Variants in FAM193A observed in about 807,000 individuals in gnomAD.
FAM193A encodes the protein protein FAM193A.
A neutral mutation model predicts 126.5 loss-of-function variants in FAM193A; 22 were observed. That is an observed-to-expected ratio of 0.17 (90% CI 0.12 to 0.25). The LOEUF is 0.25. FAM193A is among the 10% of genes least tolerant of loss of function. FAM193A has a pLI of 1.00. For missense variants in FAM193A, 1,675 were observed against 1,672.8 expected (o/e 1.00, Z -0.02); for synonymous variants, 761 against 646.8 (o/e 1.18, Z -2.68).
chr4:2,674,919 C>T (rs932919733), intron 13 of FAM193A, among the ~76,000 whole-genome samples: 2 of 151,724 alleles, frequency 1.3e-5, no homozygotes, highest in East Asian at 1.9e-4. Flanking sequence ...AGTGACATAC[C>T]GAATTTATAT....
rs563891840 is a variant in FAM193A at position 2,728,166 on chromosome 4, G to A, written c.4455-3609G>A. Among the ~76,000 whole-genome samples the A allele has an allele frequency of 5.3e-5, 8 of 151,696 alleles. No homozygotes were observed. The South Asian group carries it at 1.7e-3, about 32-fold the overall frequency. On this transcript the variant is annotated intron_variant, in intron 20 of 20. Coordinates refer to ENST00000637812, the MANE Select transcript of FAM193A (RefSeq NM_001366318.2). ...GGCTGGTCTCGAACTCCCGACCTCG[G>A]GTGATCTGCCCACCTTACCTCGGCC... is the stretch of plus-strand genomic sequence containing the variant.
At chr4:2,653,312 A>G (rs897172295) in intron 7 of FAM193A, among the ~76,000 whole-genome samples, 12 of 152,226 alleles carry the variant, frequency 7.9e-5, no homozygotes, top group African/African-American at 2.7e-4. Flanking sequence ...AATAACACAT[A>G]CATGTTCTCT....
chr4:2,664,079 T>C (rs1712805885), intron 12 of FAM193A, among the ~76,000 whole-genome samples: 1 of 152,248 alleles, frequency 6.6e-6, no homozygotes, highest in Non-Finnish European at 1.5e-5. Context: ...AACACTCAGA[T>C]GGTAAAGGTG....
intron 1 of FAM193A, among the ~76,000 whole-genome samples, chr4:2,584,106 C>T (rs931102128): frequency 6.6e-6 from 1 of 152,022 alleles, no homozygotes; most frequent in African/African-American, 2.4e-5. Context: ...ATATATAGGT[C>T]TGTGATCTAT....
intron 12 of FAM193A, among the ~76,000 whole-genome samples, chr4:2,669,446 T>C (rs1217341185): frequency 1.3e-5 from 2 of 151,946 alleles, no homozygotes; most frequent in East Asian, 3.9e-4. Context: ...CCATCTCTTC[T>C]AAAAATACAA....
chr4:2,643,106 A>T lies in FAM193A; in HGVS notation c.1163+3247A>T, dbSNP rs568317771. Reference sequence around the variant, plus strand: ...CCACAGGCAGTTGAGGGAGAAGGATAAACACAGACAGGGACAGAATGAGGC... The same window carrying T: ...CCACAGGCAGTTGAGGGAGAAGGATTAACACAGACAGGGACAGAATGAGGC... On this transcript the variant is annotated intron_variant, in intron 6 of 20. Coordinates refer to ENST00000637812, the MANE Select transcript of FAM193A (RefSeq NM_001366318.2). Among the ~76,000 whole-genome samples, 3 of 152,264 alleles carry T rather than the reference A, an allele frequency of 2.0e-5. No homozygotes were observed. The South Asian group carries it at 6.2e-4, about 32-fold the overall frequency.
At chr4:2,681,755 C>T (rs780747341) in intron 13 of FAM193A, among the ~76,000 whole-genome samples, 2 of 152,132 alleles carry the variant, frequency 1.3e-5, no homozygotes, top group Admixed American at 6.5e-5. Context: ...TGAGCCACCA[C>T]GCCTATCCTA....
chr4:2,553,756 C>T (rs1004863530), intron 1 of FAM193A, among the ~76,000 whole-genome samples: 3 of 152,004 alleles, frequency 2.0e-5, no homozygotes, highest in African/African-American at 7.3e-5. Flanking sequence ...CCACAATTCT[C>T]GTGTGTTGTG....
chr4:2,639,750 A>G lies in FAM193A; in HGVS notation c.1054A>G (p.Lys352Glu), dbSNP rs1342866104. The G allele has an allele frequency of 1.2e-6, 2 of 1,611,522 alleles. No homozygotes were observed. The highest frequency in any genetic ancestry group is 3.4e-5 in the Admixed American group (2 of 59,414). ...FLGTLENEHL[K>E]KFQVTWELHN... ...TCTTAACCAGGAAAATGAACACTTG[A>G]AAAAGTTCCAAGTGACGTGGGAACT... is the stretch of plus-strand genomic sequence containing the variant. The change falls in exon 6 of 21, where the codon AAA (lysine) becomes GAA (glutamate). Residue 352 changes from lysine to glutamate, a missense_variant. By Grantham distance (56) the Lys-to-Glu change is moderately conservative (BLOSUM62 1). This residue lies in a region of FAM193A where 1,186 missense variants were observed against 1,109.2 expected (regional missense o/e 1.07). Transcript: ENST00000637812.
chr4:2,704,430 T>C (rs1162087114), intron 19 of FAM193A, among the ~76,000 whole-genome samples: 1 of 151,926 alleles, frequency 6.6e-6, no homozygotes, highest in East Asian at 1.9e-4. Flanking sequence ...TCGGGTGTGG[T>C]GGCACTCACC....
intron 17 of FAM193A, among the ~76,000 whole-genome samples, chr4:2,695,362 A>G (rs2239726): frequency 6.6e-6 from 1 of 152,036 alleles, no homozygotes; most frequent in African/African-American, 2.4e-5. Context: ...AGGTATTCCT[A>G]CTGAATACCC....
chr4:2,576,182 C>T (rs536465084), intron 1 of FAM193A, among the ~76,000 whole-genome samples: 3 of 152,232 alleles, frequency 2.0e-5, no homozygotes, highest in South Asian at 4.2e-4. Context: ...CTGCAACCTC[C>T]ACCTCCCAGG....
chr4:2,602,333 T>A (rs1461148160), intron 2 of FAM193A, among the ~76,000 whole-genome samples: 2 of 151,214 alleles, frequency 1.3e-5, no homozygotes, highest in African/African-American at 2.4e-5. Context: ...GCTTGAATCT[T>A]CCTCTAGAGA....
intron 4 of FAM193A, among the ~76,000 whole-genome samples, chr4:2,626,806 C>G (rs1743009504): frequency 6.6e-6 from 1 of 152,232 alleles, no homozygotes; most frequent in African/African-American, 2.4e-5. Flanking sequence ...TATAATTACA[C>G]AAGAAATGTT....
intron 20 of FAM193A, among the ~76,000 whole-genome samples, chr4:2,726,658 C>T (rs1417525086): frequency 6.6e-6 from 1 of 151,442 alleles, no homozygotes; most frequent in Admixed American, 6.6e-5. Context: ...AGGCCAGGTA[C>T]AGTGGCTCAT....
chr4:2,664,378 G>A (rs1028988774), intron 12 of FAM193A, among the ~76,000 whole-genome samples: 16 of 151,976 alleles, frequency 1.1e-4, no homozygotes, highest in Admixed American at 9.8e-4. Context: ...AAAATTTATT[G>A]AAAATCAATG....
At chr4:2,614,845 T>A (rs888352529) in intron 2 of FAM193A, among the ~76,000 whole-genome samples, 1 of 152,228 alleles carries the variant, frequency 6.6e-6, no homozygotes, top group Non-Finnish European at 1.5e-5. Flanking sequence ...TTAAGGAAAT[T>A]TGCCCATTTT....
chr4:2,610,422 C>A (rs957824699), intron 2 of FAM193A, among the ~76,000 whole-genome samples: 2 of 152,180 alleles, frequency 1.3e-5, no homozygotes, highest in African/African-American at 2.4e-5. Flanking sequence ...TAGAAACGTA[C>A]AGATTTCTTT....
chr4:2,685,563 A>G (rs1577203272), intron 13 of FAM193A, among the ~76,000 whole-genome samples: 1 of 152,190 alleles, frequency 6.6e-6, no homozygotes, highest in Non-Finnish European at 1.5e-5. Flanking sequence ...CTCTTTACCA[A>G]TCTCTGGGAG....
Sources: gnomAD v4.1 joint callset for allele counts (sites outside exome capture counted in the v4.1 genomes callset) on GRCh38, gnomAD v4.1.1 for gene constraint, gnomAD v4.1.1 regional missense constraint, MANE v1.5 for transcripts, NCBI Gene and HGNC (gene_info 2026-07-23, HGNC 2026-07-21) for gene names.